The following PELI2 variants were observed in gnomAD, a reference collection of about 807,000 sequenced individuals.
PELI2 encodes pellino E3 ubiquitin protein ligase family member 2.
Under a neutral mutation model 42.3 loss-of-function variants are expected in PELI2, and 23 were observed. The ratio of observed to expected loss-of-function variants is 0.54; its 90% CI spans 0.39 to 0.77. The LOEUF (loss-of-function observed/expected upper bound fraction) is 0.77, where lower values mean the gene tolerates loss of function less well. Ranked by LOEUF, PELI2 falls within the 30% of genes least tolerant of loss-of-function variation. PELI2 has a pLI of 0.00. For synonymous variants in PELI2, 245 were observed against 212.2 expected (o/e 1.15, Z -1.34); for missense variants, 463 against 553.2 (o/e 0.84, Z 1.64).
chr14:56,298,385 G>T lies in PELI2; in HGVS notation c.*1219G>T, dbSNP rs114059878. 718 of 152,526 alleles carry T rather than the reference G, an allele frequency of 4.7e-3. 6 individuals are homozygous for T. Among genetic ancestry groups the T allele is most frequent in the African/African-American group, 0.017 (700 of 41,566 alleles). 9.4% of individuals were successfully genotyped at this position (152,526 alleles called of 1,614,324 possible). On this transcript the variant is annotated 3_prime_UTR_variant, in exon 6 of 6. Transcript: ENST00000267460. ...ATTTCATAGGAGCTCCACCATTCCT[G>T]TTACTTTCATTTCATTTTGATTAAT...
chr14:56,222,481 G>T (rs1486557399), intron 2 of PELI2, among the ~76,000 whole-genome samples: 1 of 152,234 alleles, frequency 6.6e-6, no homozygotes, highest in Non-Finnish European at 1.5e-5. Flanking sequence ...GCCTGTGCCA[G>T]ACACTGTCTG....
At chr14:56,211,506 T>C (rs745535610) in intron 2 of PELI2, among the ~76,000 whole-genome samples, 9 of 152,214 alleles carry the variant, frequency 5.9e-5, no homozygotes, top group Non-Finnish European at 1.3e-4. Flanking sequence ...TGTATAGTTA[T>C]GTATTTTTAG....
chr14:56,234,532 A>G (rs956157062), intron 2 of PELI2, among the ~76,000 whole-genome samples: 10 of 152,244 alleles, frequency 6.6e-5, no homozygotes, highest in African/African-American at 2.4e-4. Flanking sequence ...GTTCTCACTC[A>G]TAGGTGGGAA....
intron 2 of PELI2, among the ~76,000 whole-genome samples, chr14:56,210,431 G>T (rs1301235472): frequency 3.4e-5 from 5 of 148,614 alleles, no homozygotes; most frequent in East Asian, 2.0e-4. Context: ...AATGATTTTG[G>T]TTTTTTTTTT....
intron 5 of PELI2, among the ~76,000 whole-genome samples, chr14:56,293,413 G>A (rs1889898151): frequency 6.6e-6 from 1 of 152,310 alleles, no homozygotes. Context: ...ACTTAGTTCT[G>A]TGGTATTGAA....
rs773473975 is a variant in PELI2, at chr14:56,297,017, G to A, written c.1114G>A (p.Val372Met). The change falls in exon 6 of 6, where the codon GTG becomes ATG. Residue 372 changes from valine (V) to methionine (M), a missense_variant. This residue lies in a region of PELI2 where 103 missense variants were observed against 129.6 expected (regional missense o/e 0.80). Transcript: ENST00000267460. ...PTHAFTPCGH[V>M]CSEKSAKYWS... is the part of the protein sequence containing the mutation. ...TCATGCTTTCACTCCCTGTGGACAC[G>A]TGTGCTCGGAGAAGTCTGCAAAATA... 2.5e-6 allele frequency: 4 copies of A among 1,613,924 alleles called. No homozygotes were observed. Among genetic ancestry groups the A allele is most frequent in the African/African-American group, 1.3e-5 (1 of 74,922 alleles).
At chr14:56,261,590 T>C (rs139118398) in intron 2 of PELI2, among the ~76,000 whole-genome samples, 1 of 152,104 alleles carries the variant, frequency 6.6e-6, no homozygotes, top group African/African-American at 2.4e-5. Flanking sequence ...AAGAAAAGAG[T>C]ATGCAGTGCA....
rs1003625901 is a variant in PELI2 at position 56,290,163 on chromosome 14, C to T, written c.508-105C>T. 20 of 795,946 alleles carry T rather than the reference C, an allele frequency of 2.5e-5. No homozygotes were observed. The African/African-American group carries it at 3.4e-4, about 14-fold the overall frequency. The allele number at this position is 795,946 out of a possible 1,614,324, so 49.3% of individuals were successfully genotyped here. ...TAAATAGAAAATGAAAATTCATCAC[C>T]TTCCTCCCCTCTGCCTCTATGCAAT... On this transcript the variant is annotated intron_variant, in intron 4 of 5. Coordinates refer to ENST00000267460, the MANE Select transcript of PELI2 (RefSeq NM_021255.3).
At chr14:56,125,389 A>G (rs242389) in intron 1 of PELI2, among the ~76,000 whole-genome samples, 135,415 of 146,934 alleles carry the variant, frequency 0.92, 62,571 homozygotes, top group African/African-American at 0.94. Flanking sequence ...AAAGCAGGAT[A>G]AGGAGGAAGA....
intron 1 of PELI2, among the ~76,000 whole-genome samples, chr14:56,120,150 A>G (rs1162221103): frequency 6.6e-6 from 1 of 152,200 alleles, no homozygotes; most frequent in East Asian, 1.9e-4. Context: ...TGCACTTCAA[A>G]GACAAATATC....
intron 1 of PELI2, among the ~76,000 whole-genome samples, chr14:56,166,498 A>G (rs1451343433): frequency 6.6e-6 from 1 of 152,126 alleles, no homozygotes; most frequent in Non-Finnish European, 1.5e-5. Context: ...ATTGCTCATT[A>G]ATGTCCTTTT....
At chr14:56,246,744 A>G (rs1400944447) in intron 2 of PELI2, among the ~76,000 whole-genome samples, 1 of 152,214 alleles carries the variant, frequency 6.6e-6, no homozygotes, top group African/African-American at 2.4e-5. Context: ...AAAGTTAAGT[A>G]AATTGTTCAA....
At chr14:56,145,115 A>ATGAT (rs1884067060) in intron 1 of PELI2, 1 of 240,766 alleles carries the variant, frequency 4.2e-6, no homozygotes, top group Non-Finnish European at 6.7e-6. Context: ...CAGGCTGTGC[A>ATGAT]GGTAGTGTGG....
intron 3 of PELI2, among the ~76,000 whole-genome samples, chr14:56,280,044 C>A (rs1038950311): frequency 2.6e-5 from 4 of 151,978 alleles, no homozygotes; most frequent in Non-Finnish European, 4.4e-5. Flanking sequence ...AAAAGCTAAC[C>A]ACTTTTAAAA....
chr14:56,192,083 GACCTCAAGTGA>G, intron 2 of PELI2, among the ~76,000 whole-genome samples: 1 of 152,210 alleles, frequency 6.6e-6, no homozygotes, highest in East Asian at 1.9e-4. Context: ...TTGAACTGCT[GACCTCAAGTGA>G]TCCACCTGCC....
rs72622482 is a variant in PELI2, at chr14:56,122,680, A to G, written c.77+3943A>G. Among the ~76,000 whole-genome samples, 157 of 152,064 alleles carry G rather than the reference A, an allele frequency of 1.0e-3. No individual in the cohort carries two copies. The East Asian group carries it at 0.028, about 27-fold the overall frequency. On this transcript the variant is annotated intron_variant, in intron 1 of 5. Transcript: ENST00000267460. ...AGGGTTCTTAACCTAGGGTCCACAG[A>G]TGGAGTTCGGGACATTCTTGAACTT...
At chr14:56,144,415 G>A (rs1477985761) in intron 1 of PELI2, among the ~76,000 whole-genome samples, 1 of 152,206 alleles carries the variant, frequency 6.6e-6, no homozygotes, top group African/African-American at 2.4e-5. Context: ...ATTCTTCAGG[G>A]AAGCCAGAGT....
intron 2 of PELI2, among the ~76,000 whole-genome samples, chr14:56,213,257 G>T (rs1170735731): frequency 6.6e-6 from 1 of 152,230 alleles, no homozygotes; most frequent in East Asian, 1.9e-4. Context: ...CCTCCAACAT[G>T]TGTGGATGAA....
chr14:56,274,331 A>G (rs1390729293), intron 2 of PELI2, among the ~76,000 whole-genome samples: 2 of 152,206 alleles, frequency 1.3e-5, no homozygotes, highest in Non-Finnish European at 2.9e-5. Context: ...CATAACTATA[A>G]TAAATTAATA....
Sources: allele counts gnomAD v4.1 joint callset (sites outside exome capture counted in the v4.1 genomes callset), GRCh38; gene constraint gnomAD v4.1.1; regional missense constraint gnomAD v4.1.1; transcripts MANE v1.5; gene names NCBI Gene and HGNC (gene_info 2026-07-23, HGNC 2026-07-21).